PADI6: variants seen among roughly 807,000 people sequenced by gnomAD.
PADI6 encodes peptidyl arginine deiminase 6.
Under a neutral mutation model 78.2 loss-of-function variants are expected in PADI6, and 66 were observed. That is an observed-to-expected ratio of 0.84 (90% confidence interval 0.69 to 1.04). The LOEUF (loss-of-function observed/expected upper bound fraction) is 1.04, where lower values mean the gene tolerates loss of function less well. Ranked by LOEUF, PADI6 falls within the 50% of genes least tolerant of loss-of-function variation. PADI6 has a pLI of 0.00. For missense variants in PADI6, 854 were observed against 866.1 expected, an observed-to-expected ratio of 0.99 and a Z score of 0.18; for synonymous variants, 397 against 346.9, an observed-to-expected ratio of 1.14 and a Z score of -1.60.
Position 17,372,300 on chromosome 1 carries a change from C to T in PADI6, c.55C>T (p.Leu19=), listed in dbSNP as rs2074969534. The change falls in exon 1 of 16, where the codon CTG becomes TTG. Residue 19 remains leucine, a synonymous_variant. Transcript: ENST00000619609. The part of the protein sequence containing the change: ...MSFQSIIHLS[L]DSPVHAVCVL... The stretch of plus-strand genomic sequence containing the variant: ...CTTCCAGAGTATCATCCACCTGTCC[C>T]TGGACAGCCCTGTCCATGCCGTTTG... The T allele has an allele frequency of 1.9e-6, 3 of 1,613,854 alleles. No individual in the cohort carries two copies. Among genetic ancestry groups the T allele is most frequent in the South Asian group, 2.2e-5 (2 of 91,090 alleles).
intron 15 of PADI6, 77 bp downstream of exon 15, chr1:17,398,924 CTG>C: frequency 6.8e-7 from 1 of 1,466,698 alleles, no homozygotes; most frequent in Non-Finnish European, 9.4e-7. Context: ...CTGTGCTGGA[CTG>C]CAGATATGGT....
At chr1:17,389,708 C>CAA (rs2075162640) in intron 8 of PADI6, among the ~76,000 whole-genome samples, 2 of 152,148 alleles carry the variant, frequency 1.3e-5, no homozygotes, top group African/African-American at 4.8e-5. Flanking sequence ...AGTGGGAAGC[C>CAA]AAGGGTTCTG....
intron 8 of PADI6, among the ~76,000 whole-genome samples, chr1:17,389,646 A>G (rs2075162167): frequency 6.6e-6 from 1 of 152,212 alleles, no homozygotes; most frequent in Admixed American, 6.5e-5. Flanking sequence ...GTCTCTAGCT[A>G]TGTAGCCACA....
rs1328720766 is a variant in PADI6, at chr1:17,388,821, G to T, written c.903G>T (p.Arg301=). ...TVLYKDTVVF[R]VAPCVFIPCT... ...TGTACAAAGACACGGTGGTGTTCCG[G>T]GTGGCTCCCTGTGTCTTCATTCCCT... is the stretch of plus-strand genomic sequence containing the variant. The change falls in exon 8 of 16, where the codon CGG becomes CGT. Residue 301 remains arginine (R), a synonymous_variant. Transcript: ENST00000619609. 3.1e-6 allele frequency: 5 copies of T among 1,613,802 alleles called. No homozygotes were observed. The South Asian group carries it at 4.4e-5, about 14-fold the overall frequency.
Position 17,395,069 on chromosome 1 carries a change from T to C in PADI6, c.1456T>C (p.Cys486Arg). The C allele has an allele frequency of 1.9e-6, 3 of 1,614,048 alleles. No homozygotes were observed. The highest frequency in any genetic ancestry group is 2.5e-6 in the Non-Finnish European group (3 of 1,179,932). The change falls in exon 12 of 16, where the codon TGC becomes CGC. Residue 486 changes from cysteine (C) to arginine (R), a missense_variant. Cys to Arg is a radical substitution (Grantham distance 180). Coordinates refer to ENST00000619609, the MANE Select transcript of PADI6 (RefSeq NM_207421.4). Reference sequence around the variant, plus strand: ...GACTGGCCACGTGGATGAGTTCATGTGCTTCATCCCCACAGATGACAAGAA... The same window carrying C: ...GACTGGCCACGTGGATGAGTTCATGCGCTTCATCCCCACAGATGACAAGAA... The part of the protein sequence containing the change: ...LMTGHVDEFM[C>R]FIPTDDKNEG...
rs1175019586 is a variant in PADI6 at position 17,398,684 on chromosome 1, A to C, written c.1690-2A>C. ...CCCCCCCACCCACCCACCCACCCAC[A>C]GAAGTGCATTCACCTGAACCGTGAC... On this transcript the variant is annotated splice_acceptor_variant, in intron 14 of 15. Coordinates refer to ENST00000619609, the MANE Select transcript of PADI6 (RefSeq NM_207421.4). LOFTEE classifies it high-confidence loss of function. 3.7e-5 allele frequency: 5 copies of C among 134,458 alleles called. No individual in the cohort carries two copies. In the African/African-American group the frequency reaches 5.0e-4, roughly 13 times the overall value. 8.3% of individuals were successfully genotyped at this position (134,458 alleles called of 1,614,324 possible). A position where few individuals can be genotyped will look rare whatever the true frequency, so the allele number is the denominator to read the frequency against.
At chr1:17,397,930 G>A (rs934631604) in intron 14 of PADI6, among the ~76,000 whole-genome samples, 4 of 152,052 alleles carry the variant, frequency 2.6e-5, no homozygotes, top group Non-Finnish European at 4.4e-5. Context: ...AATAGACGAG[G>A]GACTACTCAA....
chr1:17,389,495 C>T (rs1160853791), intron 8 of PADI6, among the ~76,000 whole-genome samples: 1 of 152,120 alleles, frequency 6.6e-6, no homozygotes, highest in Non-Finnish European at 1.5e-5. Context: ...GCCCGGGCCC[C>T]AGGAGGGAGA....
At chr1:17,373,024 C>G (rs1267914276) in intron 1 of PADI6, 32 bp from the exon 2 acceptor site, 3 of 1,592,110 alleles carry the variant, frequency 1.9e-6, no homozygotes, top group Non-Finnish European at 2.6e-6. Context: ...GGTGTTTGTG[C>G]CCTGACGCGT....
intron 3 of PADI6, among the ~76,000 whole-genome samples, chr1:17,377,749 G>A (rs2100290253): frequency 6.6e-6 from 1 of 152,266 alleles, no homozygotes; most frequent in East Asian, 1.9e-4. Context: ...TCCGGCTCGA[G>A]CCCCCATCCT....
intron 8 of PADI6, among the ~76,000 whole-genome samples, chr1:17,390,021 C>T (rs2075166671): frequency 6.6e-6 from 1 of 152,122 alleles, no homozygotes; most frequent in Non-Finnish European, 1.5e-5. Flanking sequence ...AAAAGGTGGC[C>T]AGTGTGGTGG....
At chr1:17,401,155 T>TCAGGCCTCTGATCCCTGTC (rs751272285) in intron 15 of PADI6, 50 bp from the exon 16 acceptor site, 27 of 1,570,014 alleles carry the variant, frequency 1.7e-5, no homozygotes, top group Admixed American at 3.5e-5. Context: ...CGGCTGGCTT[T>TCAGGCCTCTGATCCCTGTC]CAGGCCTCTG....
chr1:17,394,885 C>T (rs2075229763), intron 11 of PADI6, 66 bp from the exon 12 acceptor site: 2 of 1,487,484 alleles, frequency 1.3e-6, no homozygotes, highest in African/African-American at 2.8e-5. Context: ...AGCATGACAC[C>T]AAGTGGCGGG....
At chr1:17,372,656 A>C (rs180733568) in intron 1 of PADI6, among the ~76,000 whole-genome samples, 176 of 152,254 alleles carry the variant, frequency 1.2e-3, no homozygotes, top group Non-Finnish European at 2.0e-3. Flanking sequence ...GGGGGCTGTG[A>C]GGAGCAGGCC....
chr1:17,399,176 A>G (rs942859194), intron 15 of PADI6, among the ~76,000 whole-genome samples: 1 of 152,226 alleles, frequency 6.6e-6, no homozygotes, highest in Admixed American at 6.5e-5. Context: ...TGCAACCCAG[A>G]GTCGAGGTTG....
In PADI6 at chr1:17,397,096, A is replaced by G. The variant is rs1164794651; in HGVS notation, c.1644A>G (p.Gln548=). 9 of 1,613,722 alleles carry G rather than the reference A, an allele frequency of 5.6e-6. No individual in the cohort carries two copies. The highest frequency in any genetic ancestry group is 4.0e-5 in the African/African-American group (3 of 74,930). Reference sequence around the variant, plus strand: ...GAAGGGAAGCCAAAACCATCGACCAACTTCTGGCTGATGAAAGCCTGAAGA... The same window carrying G: ...GAAGGGAAGCCAAAACCATCGACCAGCTTCTGGCTGATGAAAGCCTGAAGA... The part of the protein sequence containing the change: ...SNGREAKTID[Q]LLADESLKKQ... The change falls in exon 14 of 16, where the codon CAA becomes CAG. Residue 548 remains glutamine (Q), a synonymous_variant. Coordinates refer to ENST00000619609, the MANE Select transcript of PADI6 (RefSeq NM_207421.4).
chr1:17,388,142 C>T (rs2075141291), intron 6 of PADI6, among the ~76,000 whole-genome samples: 1 of 152,142 alleles, frequency 6.6e-6, no homozygotes, highest in Admixed American at 6.6e-5. Context: ...CAACTCCTGG[C>T]ATGTAATAGG....
rs16826167 is a variant in PADI6, at chr1:17,384,767, T to C, written c.679+2675T>C. ...GCAAATGCTGTGGGATAGACTAAGATGCCCAAGCCCATAGTAAAGTCACAA... is the reference window on the plus strand; with the variant it reads ...GCAAATGCTGTGGGATAGACTAAGACGCCCAAGCCCATAGTAAAGTCACAA... On this transcript the variant is annotated intron_variant, in intron 6 of 15. Coordinates refer to ENST00000619609, the MANE Select transcript of PADI6 (RefSeq NM_207421.4). Among the ~76,000 whole-genome samples, 1,047 of 152,312 alleles carry C rather than the reference T, an allele frequency of 6.9e-3. 12 individuals carry two copies. Among genetic ancestry groups the C allele is most frequent in the African/African-American group, 0.023 (976 of 41,568 alleles).
intron 8 of PADI6, among the ~76,000 whole-genome samples, chr1:17,390,187 C>G (rs969808769): frequency 1.6e-4 from 24 of 151,806 alleles, no homozygotes; most frequent in African/African-American, 5.8e-4. Flanking sequence ...GTAGTCCCAG[C>G]TACTCAGTGA....
Sources: allele counts gnomAD v4.1 joint callset (sites outside exome capture counted in the v4.1 genomes callset), GRCh38; gene constraint gnomAD v4.1.1; transcripts MANE v1.5; gene names NCBI Gene and HGNC (gene_info 2026-07-23, HGNC 2026-07-21).